Variants in FBXL7 observed in about 807,000 individuals in gnomAD.
The protein encoded by FBXL7 is F-box/LRR-repeat protein 7.
In FBXL7, 12 loss-of-function variants were observed where a neutral mutation model predicts 38.3. That is an observed-to-expected ratio of 0.31 (90% CI 0.20 to 0.51). The LOEUF is 0.51. Ranked by LOEUF, FBXL7 falls within the 20% of genes least tolerant of loss-of-function variation. FBXL7 has a pLI of 0.98. For missense variants in FBXL7, 567 were observed against 676.4 expected (o/e 0.84, Z 1.79); for synonymous variants, 297 against 300.9 (o/e 0.99, Z 0.13).
chr5:15,565,808 A>G (rs1738552630), intron 1 of FBXL7, among the ~76,000 whole-genome samples: 1 of 152,148 alleles, frequency 6.6e-6, no homozygotes, highest in African/African-American at 2.4e-5. Context: ...TCTTTTACTA[A>G]CAGGAAGCTC....
At chr5:15,806,216 T>C (rs1737708686) in intron 2 of FBXL7, among the ~76,000 whole-genome samples, 1 of 152,192 alleles carries the variant, frequency 6.6e-6, no homozygotes, top group Admixed American at 6.5e-5. Context: ...TACAAGCCAG[T>C]TGTTTTTATT....
Position 15,841,311 on chromosome 5 carries a change from A to G in FBXL7, c.128-86579A>G, listed in dbSNP as rs73752327. Among the ~76,000 whole-genome samples the G allele has an allele frequency of 9.2e-3, 1,408 of 152,282 alleles. 26 individuals carry two copies. The highest frequency in any genetic ancestry group is 0.032 in the African/African-American group (1,345 of 41,552). On this transcript the variant is annotated intron_variant, in intron 2 of 3. Transcript: ENST00000504595. ...AAAGTTTCCCTATTAAATTTGACCT[A>G]TGTTAGCAGTTGGGAATAAATCTCA... is the stretch of plus-strand genomic sequence containing the variant.
At chr5:15,871,638 G>A (rs938930098) in intron 2 of FBXL7, among the ~76,000 whole-genome samples, 4 of 152,114 alleles carry the variant, frequency 2.6e-5, no homozygotes, top group Non-Finnish European at 4.4e-5. Flanking sequence ...AACACAGCAC[G>A]AGAACTTCGT....
At chr5:15,622,534 T>C (rs915306892) in intron 2 of FBXL7, among the ~76,000 whole-genome samples, 7 of 152,042 alleles carry the variant, frequency 4.6e-5, no homozygotes, top group South Asian at 2.1e-4. Context: ...GAACATGCGG[T>C]GTTTGGGTTT....
intron 2 of FBXL7, among the ~76,000 whole-genome samples, chr5:15,790,493 T>C (rs1737245830): frequency 6.6e-6 from 1 of 152,210 alleles, no homozygotes; most frequent in South Asian, 2.1e-4. Context: ...TGAGCCATTA[T>C]TCTGACCACC....
At chr5:15,871,480 A>T (rs1293881124) in intron 2 of FBXL7, among the ~76,000 whole-genome samples, 20 of 151,702 alleles carry the variant, frequency 1.3e-4, no homozygotes, top group Admixed American at 1.3e-3. Flanking sequence ...TAGGCTTCAG[A>T]AGGTGGGTAA....
chr5:15,926,362 T>C (rs1047619139), intron 2 of FBXL7, among the ~76,000 whole-genome samples: 1 of 148,116 alleles, frequency 6.8e-6, no homozygotes, highest in Admixed American at 6.8e-5. Flanking sequence ...TTATATAATA[T>C]ATATTATATA....
intron 2 of FBXL7, among the ~76,000 whole-genome samples, chr5:15,654,418 G>A (rs1162745423): frequency 4.5e-4 from 57 of 126,312 alleles, no homozygotes; most frequent in African/African-American, 6.1e-4. Flanking sequence ...ATAAAAAACT[G>A]AAAAAAAAAA....
At chr5:15,707,083 T>C (rs1743703733) in intron 2 of FBXL7, among the ~76,000 whole-genome samples, 1 of 151,932 alleles carries the variant, frequency 6.6e-6, no homozygotes, top group Non-Finnish European at 1.5e-5. Context: ...CTTTAAGGTA[T>C]ATATTTAACA....
chr5:15,658,372 C>A (rs1741947336), intron 2 of FBXL7, among the ~76,000 whole-genome samples: 1 of 152,126 alleles, frequency 6.6e-6, no homozygotes, highest in African/African-American at 2.4e-5. Flanking sequence ...AATTGTAGTT[C>A]CCATTATCCC....
chr5:15,783,979 A>G (rs1737069233), intron 2 of FBXL7, among the ~76,000 whole-genome samples: 1 of 152,184 alleles, frequency 6.6e-6, no homozygotes, highest in African/African-American at 2.4e-5. Context: ...AGAGTTTCCT[A>G]TCAGCAGGTG....
At chr5:15,802,310 A>G (rs1410225437) in intron 2 of FBXL7, among the ~76,000 whole-genome samples, 1 of 152,070 alleles carries the variant, frequency 6.6e-6, no homozygotes, top group African/African-American at 2.4e-5. Flanking sequence ...CCCTGCTTAA[A>G]ATTCAGTCAA....
intron 2 of FBXL7, among the ~76,000 whole-genome samples, chr5:15,673,321 GA>G (rs1324068564): frequency 4.3e-5 from 6 of 139,744 alleles, no homozygotes; most frequent in Admixed American, 1.4e-4. Flanking sequence ...CATCTAAAAA[GA>G]AAAAAAAAAG....
At chr5:15,706,363 A>C (rs1743680732) in intron 2 of FBXL7, among the ~76,000 whole-genome samples, 1 of 151,978 alleles carries the variant, frequency 6.6e-6, no homozygotes, top group Non-Finnish European at 1.5e-5. Flanking sequence ...TTTGCTTTCC[A>C]CCGTGATTGT....
chr5:15,769,439 T>G (rs1736673808), intron 2 of FBXL7, among the ~76,000 whole-genome samples: 1 of 152,200 alleles, frequency 6.6e-6, no homozygotes, highest in Non-Finnish European at 1.5e-5. Flanking sequence ...GCGCTACTCA[T>G]CTGAAGCTTT....
At chr5:15,576,871 C>T (rs1738983964) in intron 1 of FBXL7, among the ~76,000 whole-genome samples, 1 of 152,088 alleles carries the variant, frequency 6.6e-6, no homozygotes, top group Non-Finnish European at 1.5e-5. Flanking sequence ...GTCTGTCTTT[C>T]CCATTATTTT....
intron 2 of FBXL7, among the ~76,000 whole-genome samples, chr5:15,805,607 T>A (rs936292396): frequency 5.3e-5 from 8 of 152,184 alleles, no homozygotes; most frequent in Non-Finnish European, 7.3e-5. Flanking sequence ...TATAAAAACT[T>A]CCTTCTTATA....
chr5:15,503,387 C>G (rs1320294225), intron 1 of FBXL7, among the ~76,000 whole-genome samples: 1 of 152,184 alleles, frequency 6.6e-6, no homozygotes, highest in Non-Finnish European at 1.5e-5. Context: ...CGCAACTGCA[C>G]TCTAGCCTGG....
intron 2 of FBXL7, among the ~76,000 whole-genome samples, chr5:15,829,742 A>G (rs1204770291): frequency 6.6e-6 from 1 of 152,198 alleles, no homozygotes. Flanking sequence ...AGTAAAGAAT[A>G]TTAATTATCA....
Sources: allele counts gnomAD v4.1 joint callset (sites outside exome capture counted in the v4.1 genomes callset), GRCh38; gene constraint gnomAD v4.1.1; transcripts MANE v1.5; gene names NCBI Gene and HGNC (gene_info 2026-07-23, HGNC 2026-07-21).